ZNF723: variants seen among roughly 807,000 people sequenced by gnomAD.
ZNF723 encodes the protein zinc finger protein 723, also known as zinc finger protein 723, pseudogene.
In ZNF723, 5 loss-of-function variants were observed where a neutral mutation model predicts 9.4. The ratio of observed to expected loss-of-function variants is 0.53; its 90% CI spans 0.28 to 1.12. ZNF723 has a LOEUF of 1.12. Among genes scored for constraint, ZNF723 ranks in the 50% most tolerant of loss-of-function variants. The pLI, the probability that ZNF723 is intolerant of heterozygous loss-of-function variation, is 0.10. For missense variants in ZNF723, 450 were observed against 501.5 expected (o/e 0.90, Z 0.98); for synonymous variants, 158 against 168.8 (o/e 0.94, Z 0.49).
chr19:22,849,736 C>T (rs1267594264), intron 3 of ZNF723, among the ~76,000 whole-genome samples: 1 of 152,182 alleles, frequency 6.6e-6, no homozygotes, highest in African/African-American at 2.4e-5. Context: ...TGGTGAAACC[C>T]CTTCTCTACC....
chr19:22,816,639 G>C, the ZNF723 span, among the ~76,000 whole-genome samples: 3 of 152,226 alleles, frequency 2.0e-5, no homozygotes, highest in African/African-American at 7.2e-5. Flanking sequence ...CCTGGGCTCA[G>C]CCCACAGATT....
At chr19:22,819,985 G>C in the ZNF723 span, among the ~76,000 whole-genome samples, 2 of 151,924 alleles carry the variant, frequency 1.3e-5, no homozygotes, top group Non-Finnish European at 2.9e-5. Context: ...TTTATTACCT[G>C]TGTTATGTGA....
intron 3 of ZNF723, among the ~76,000 whole-genome samples, chr19:22,849,831 T>G (rs1020888472): frequency 6.6e-6 from 1 of 152,030 alleles, no homozygotes; most frequent in African/African-American, 2.4e-5. Context: ...ATCGCTTGAA[T>G]TAAGGAAGCA....
the ZNF723 span, among the ~76,000 whole-genome samples, chr19:22,826,511 G>T: frequency 1.3e-5 from 2 of 152,202 alleles, no homozygotes; most frequent in Admixed American, 6.5e-5. Flanking sequence ...CAGCACAGAG[G>T]TGAGATTGTG....
the ZNF723 span, among the ~76,000 whole-genome samples, chr19:22,826,017 T>C: frequency 1.3e-5 from 2 of 152,178 alleles, no homozygotes; most frequent in Admixed American, 1.3e-4. Flanking sequence ...TGACATATCT[T>C]TGGGTTCATC....
chr19:22,842,619 G>A (rs907251711), intron 1 of ZNF723, among the ~76,000 whole-genome samples: 2 of 152,030 alleles, frequency 1.3e-5, no homozygotes, highest in African/African-American at 2.4e-5. Flanking sequence ...CCAAATAAAC[G>A]GTCTACTTAC....
At chr19:22,818,367 C>G in the ZNF723 span, among the ~76,000 whole-genome samples, 1 of 152,058 alleles carries the variant, frequency 6.6e-6, no homozygotes, top group African/African-American at 2.4e-5. Flanking sequence ...AACCTCACAC[C>G]CAGAAGAACT....
At chr19:22,838,234 T>G (rs1967192571) in intron 1 of ZNF723, among the ~76,000 whole-genome samples, 1 of 152,108 alleles carries the variant, frequency 6.6e-6, no homozygotes, top group Admixed American at 6.6e-5. Flanking sequence ...GTCCATGTGT[T>G]GTTATTATTT....
At chr19:22,818,263 C>A in the ZNF723 span, among the ~76,000 whole-genome samples, 6 of 152,234 alleles carry the variant, frequency 3.9e-5, no homozygotes, top group Non-Finnish European at 8.8e-5. Flanking sequence ...CAAGGCCCAG[C>A]ACGCAGGTGA....
chr19:22,858,385 A>C lies in ZNF723; in HGVS notation c.1494A>C (p.Arg498Ser). 1 of 818,122 alleles carries C rather than the reference A, an allele frequency of 1.2e-6. No homozygotes were observed. The highest frequency in any genetic ancestry group is 2.0e-6 in the Non-Finnish European group (1 of 497,894). 50.7% of individuals were successfully genotyped at this position (818,122 alleles called of 1,614,324 possible). ...KAFNKSSILN[R>S]HKIIHTKEKS... ...TTAACAAGTCCTCAATTCTTAACAG[A>C]CATAAGATAATTCATACTAAAGAGA... is the stretch of plus-strand genomic sequence containing the variant. Residue 498 changes from arginine (R) to serine (S), a missense_variant, in exon 4 of 4, where the codon AGA becomes AGC. Physicochemically the swap from Arg to Ser is moderately radical, Grantham distance 110. Transcript: ENST00000600766.
intron 1 of ZNF723, among the ~76,000 whole-genome samples, chr19:22,842,086 C>T (rs1468668746): frequency 6.6e-6 from 1 of 152,260 alleles, no homozygotes; most frequent in East Asian, 1.9e-4. Flanking sequence ...CTCACTGGAA[C>T]CTCCACCTCC....
intron 1 of ZNF723, among the ~76,000 whole-genome samples, chr19:22,833,387 G>A (rs575627680): frequency 6.6e-6 from 1 of 151,914 alleles, no homozygotes; most frequent in African/African-American, 2.4e-5. Flanking sequence ...TCCTGACCTC[G>A]TGATCCGCCC....
At chr19:22,850,372 A>G (rs935448756) in intron 3 of ZNF723, among the ~76,000 whole-genome samples, 8 of 151,278 alleles carry the variant, frequency 5.3e-5, no homozygotes, top group African/African-American at 1.9e-4. Context: ...ATGCCCAGCT[A>G]ATTTTTGTAT....
intron 3 of ZNF723, among the ~76,000 whole-genome samples, chr19:22,856,066 TCTC>T (rs1257365528): frequency 6.6e-6 from 1 of 152,066 alleles, no homozygotes; most frequent in African/African-American, 2.4e-5. Flanking sequence ...TTCAAGCAAT[TCTC>T]CTGCCTCAGC....
At chr19:22,814,287 C>G in the ZNF723 span, among the ~76,000 whole-genome samples, 2 of 152,128 alleles carry the variant, frequency 1.3e-5, no homozygotes, top group Non-Finnish European at 2.9e-5. Context: ...CTGTATAAAG[C>G]CCTAGGATAG....
chr19:22,836,380 TA>T (rs201935561), intron 1 of ZNF723, among the ~76,000 whole-genome samples: 16 of 151,668 alleles, frequency 1.1e-4, no homozygotes, highest in Non-Finnish European at 2.1e-4. Context: ...CAGATTTATG[TA>T]AAAAAAAATT....
chr19:22,813,386 T>C, the ZNF723 span, among the ~76,000 whole-genome samples: 2 of 152,168 alleles, frequency 1.3e-5, no homozygotes, highest in Admixed American at 6.6e-5. Flanking sequence ...TGTGACTCCA[T>C]ACTCCTGCCT....
intron 1 of ZNF723, among the ~76,000 whole-genome samples, chr19:22,839,961 GGTT>G (rs1200639003): frequency 2.6e-5 from 4 of 151,840 alleles, no homozygotes; most frequent in African/African-American, 2.4e-5. Flanking sequence ...TTTTTAATAA[GGTT>G]GTTTGTTTTT....
the ZNF723 span, among the ~76,000 whole-genome samples, chr19:22,812,456 G>A: frequency 1.3e-5 from 2 of 152,182 alleles, no homozygotes; most frequent in African/African-American, 2.4e-5. Flanking sequence ...CTCCTAGGCA[G>A]GTGAGGACTC....
Sources: gnomAD v4.1 joint callset for allele counts (sites outside exome capture counted in the v4.1 genomes callset) on GRCh38, gnomAD v4.1.1 for gene constraint, MANE v1.5 for transcripts, NCBI Gene and HGNC (gene_info 2026-07-23, HGNC 2026-07-21) for gene names.